The following CHN1 variants were observed in gnomAD, a reference collection of about 807,000 sequenced individuals.
CHN1 encodes chimerin 1, also known as N-chimaerin.
In CHN1, 37 loss-of-function variants were observed where a neutral mutation model predicts 59.5. That is an observed-to-expected ratio of 0.62 (90% confidence interval 0.48 to 0.82). CHN1 has a LOEUF of 0.82. Ranked by LOEUF, CHN1 falls within the 40% of genes least tolerant of loss-of-function variation. CHN1 has a pLI of 0.00. For missense variants in CHN1, 469 were observed against 571.0 expected (o/e 0.82, Z 1.82); for synonymous variants, 206 against 200.4 (o/e 1.03, Z -0.24).
Position 174,850,559 on chromosome 2 carries a change from T to C in CHN1, c.550-3602A>G, listed in dbSNP as rs189840175. ...AAGATTATCTGCAGGGAGTAACCAA[T>C]AAATGACAGGATTACAGGGGTGCTG... On this transcript the variant is annotated intron_variant, in intron 6 of 12. Transcript: ENST00000409900. 1.5e-4 allele frequency among the ~76,000 whole-genome samples: 23 copies of C among 152,264 alleles called. No homozygotes were observed. In the East Asian group the frequency reaches 4.2e-3, roughly 28 times the overall value.
chr2:174,916,150 G>A (rs536899770), intron 4 of CHN1, among the ~76,000 whole-genome samples: 6 of 152,228 alleles, frequency 3.9e-5, no homozygotes, highest in Admixed American at 1.3e-4. Flanking sequence ...TGACTCTTAC[G>A]GAGGAGAGAA....
intron 5 of CHN1, among the ~76,000 whole-genome samples, chr2:174,895,097 C>T (rs901329187): frequency 1.4e-5 from 2 of 147,512 alleles, no homozygotes; most frequent in South Asian, 2.2e-4. Context: ...TCCACAGTTT[C>T]AGGTATCCAC....
chr2:174,975,238 G>A (rs1347001808), intron 1 of CHN1, among the ~76,000 whole-genome samples: 1 of 152,006 alleles, frequency 6.6e-6, no homozygotes, highest in Admixed American at 6.6e-5. Context: ...ATCTACTGGG[G>A]GGAAATGGTT....
At chr2:174,901,184 T>A (rs924162150) in intron 5 of CHN1, among the ~76,000 whole-genome samples, 4 of 152,134 alleles carry the variant, frequency 2.6e-5, no homozygotes, top group African/African-American at 4.8e-5. Context: ...AAGAGCAAAA[T>A]TCTTAACCGG....
chr2:174,934,027 T>C (rs1689427866), intron 3 of CHN1, among the ~76,000 whole-genome samples: 1 of 152,204 alleles, frequency 6.6e-6, no homozygotes, highest in Non-Finnish European at 1.5e-5. Flanking sequence ...CCAACCTTTT[T>C]GGCACCAGGG....
intron 5 of CHN1, among the ~76,000 whole-genome samples, chr2:174,884,102 G>A (rs1285464841): frequency 6.6e-6 from 1 of 151,712 alleles, no homozygotes; most frequent in Non-Finnish European, 1.5e-5. Context: ...CGAGTAGCTG[G>A]GAGCTACAGG....
chr2:174,801,568 C>T, intron 12 of CHN1, 139 bp downstream of exon 12: 1 of 584,732 alleles, frequency 1.7e-6, no homozygotes, highest in East Asian at 3.0e-5. Flanking sequence ...TCAACTAGTG[C>T]AATTTCACAA....
chr2:174,956,771 C>CAAAA (rs34248216), intron 1 of CHN1, among the ~76,000 whole-genome samples: 1 of 104,618 alleles, frequency 9.6e-6, no homozygotes, highest in Admixed American at 9.0e-5. Context: ...GACTCCATCT[C>CAAAA]AAAAAAAAAA....
At chr2:174,977,586 C>A (rs981472493) in intron 1 of CHN1, among the ~76,000 whole-genome samples, 2 of 152,162 alleles carry the variant, frequency 1.3e-5, no homozygotes, top group African/African-American at 2.4e-5. Flanking sequence ...ATGACACAAT[C>A]GGATCATGTA....
chr2:174,987,223 C>CGGGGCAG, intron 1 of CHN1, among the ~76,000 whole-genome samples: 1 of 151,892 alleles, frequency 6.6e-6, no homozygotes, highest in East Asian at 1.9e-4. Flanking sequence ...ACAGACTAGG[C>CGGGGCAG]GGGGCAGGGG....
intron 5 of CHN1, among the ~76,000 whole-genome samples, chr2:174,900,290 CAGG>C (rs1243305129): frequency 1.3e-5 from 2 of 151,990 alleles, no homozygotes; most frequent in Non-Finnish European, 2.9e-5. Context: ...GCCAGGAGTT[CAGG>C]AGAAGGCTAG....
intron 5 of CHN1, among the ~76,000 whole-genome samples, chr2:174,911,857 A>T (rs1277920815): frequency 2.0e-5 from 3 of 152,128 alleles, no homozygotes; most frequent in African/African-American, 7.2e-5. Context: ...TGCTGATCAC[A>T]CCATCAGATT....
intron 6 of CHN1, among the ~76,000 whole-genome samples, chr2:174,873,344 CA>C (rs1162275382): frequency 2.0e-5 from 3 of 152,066 alleles, no homozygotes; most frequent in Non-Finnish European, 4.4e-5. Context: ...CAAGGAATGA[CA>C]AAAAAGGCCC....
chr2:174,819,833 G>C (rs1247002856), intron 8 of CHN1, among the ~76,000 whole-genome samples: 1 of 97,072 alleles, frequency 1.0e-5, no homozygotes, highest in Non-Finnish European at 1.9e-5. Context: ...CCCCACAACA[G>C]TCCCCAGAGT....
chr2:174,922,051 A>C (rs1689032203), intron 3 of CHN1, among the ~76,000 whole-genome samples: 1 of 152,180 alleles, frequency 6.6e-6, no homozygotes, highest in Admixed American at 6.5e-5. Flanking sequence ...GTTCCATAAT[A>C]ATTTCTCTGC....
chr2:174,954,349 T>C (rs1466508820), intron 1 of CHN1, among the ~76,000 whole-genome samples: 1 of 152,038 alleles, frequency 6.6e-6, no homozygotes, highest in Non-Finnish European at 1.5e-5. Context: ...TTCTAGAAGA[T>C]AACATTGGAA....
intron 1 of CHN1, among the ~76,000 whole-genome samples, chr2:174,969,597 G>A (rs1690694392): frequency 6.6e-6 from 1 of 152,080 alleles, no homozygotes; most frequent in African/African-American, 2.4e-5. Context: ...CTGCCCAGGT[G>A]TCTCTATAGT....
chr2:174,928,756 G>A (rs1173636199), intron 3 of CHN1, among the ~76,000 whole-genome samples: 8 of 152,200 alleles, frequency 5.3e-5, no homozygotes, highest in East Asian at 1.9e-4. Flanking sequence ...AAAATGTGCT[G>A]CATGTAGACA....
intron 1 of CHN1, among the ~76,000 whole-genome samples, chr2:175,000,135 TA>T (rs1691839615): frequency 1.5e-5 from 2 of 132,824 alleles, no homozygotes; most frequent in Non-Finnish European, 3.1e-5. Flanking sequence ...CACACCTGGC[TA>T]ATTTTTTTTT....
Sources: allele counts gnomAD v4.1 joint callset (sites outside exome capture counted in the v4.1 genomes callset), GRCh38; gene constraint gnomAD v4.1.1; transcripts MANE v1.5; gene names NCBI Gene and HGNC (gene_info 2026-07-23, HGNC 2026-07-21).